GLYATL2: variants seen among roughly 807,000 people sequenced by gnomAD.
GLYATL2 encodes the protein glycine-N-acyltransferase like 2.
A neutral mutation model predicts 21.4 loss-of-function variants in GLYATL2; 25 were observed. The ratio of observed to expected loss-of-function variants is 1.17; its 90% confidence interval spans 0.85 to 1.63. GLYATL2 has a LOEUF of 1.63. Ranked by LOEUF, GLYATL2 falls within the 40% of genes most tolerant of loss-of-function variation. GLYATL2 has a pLI of 0.00. For missense variants in GLYATL2, 361 were observed against 343.3 expected, an observed-to-expected ratio of 1.05 and a Z score of -0.41; for synonymous variants, 114 against 118.2, an observed-to-expected ratio of 0.96 and a Z score of 0.23.
intron 1 of GLYATL2, chr11:58,878,327 T>C: frequency 1.7e-6 from 1 of 583,740 alleles, no homozygotes; most frequent in Non-Finnish European, 2.7e-6. Flanking sequence ...ACAAGGATGC[T>C]ACATGCAGGA....
At chr11:58,856,971 G>GTC (rs1853839492) in intron 1 of GLYATL2, among the ~76,000 whole-genome samples, 1 of 152,188 alleles carries the variant, frequency 6.6e-6, no homozygotes, top group Non-Finnish European at 1.5e-5. Context: ...TACCTGTGAA[G>GTC]TACAATAAAG....
chr11:58,839,277 C>T (rs1010887555), intron 2 of GLYATL2, among the ~76,000 whole-genome samples: 6 of 151,966 alleles, frequency 3.9e-5, no homozygotes, highest in African/African-American at 1.5e-4. Flanking sequence ...AGATTGGAGA[C>T]AAGGAGGTAT....
chr11:58,856,050 G>C (rs1220695114), intron 1 of GLYATL2, among the ~76,000 whole-genome samples: 1 of 152,080 alleles, frequency 6.6e-6, no homozygotes, highest in Non-Finnish European at 1.5e-5. Context: ...AGAATCGCTT[G>C]AGCCCAGGAG....
chr11:58,842,784 A>G (rs779983059), intron 1 of GLYATL2, among the ~76,000 whole-genome samples: 27 of 152,192 alleles, frequency 1.8e-4, no homozygotes, highest in Non-Finnish European at 1.5e-4. Context: ...TTTTAACTTC[A>G]TAGAGGCAAG....
chr11:58,908,971 G>A (rs1422649489), upstream of GLYATL2, among the ~76,000 whole-genome samples: 2 of 152,142 alleles, frequency 1.3e-5, no homozygotes, highest in Non-Finnish European at 2.9e-5. Context: ...CTTCCTTATA[G>A]TTGCAGAAAT....
At chr11:58,860,962 A>G (rs144100290) in intron 1 of GLYATL2, among the ~76,000 whole-genome samples, 1 of 152,176 alleles carries the variant, frequency 6.6e-6, no homozygotes, top group East Asian at 1.9e-4. Flanking sequence ...TATCATGATT[A>G]ATGACCTTTT....
At chr11:58,884,233 A>G (rs1249265234) in intron 1 of GLYATL2, among the ~76,000 whole-genome samples, 5 of 152,218 alleles carry the variant, frequency 3.3e-5, no homozygotes, top group Non-Finnish European at 7.3e-5. Flanking sequence ...GGCAGGAGAA[A>G]GAAATAAAGA....
intron 1 of GLYATL2, among the ~76,000 whole-genome samples, chr11:58,897,757 TTTTCA>T (rs1854659396): frequency 6.6e-6 from 1 of 152,212 alleles, no homozygotes; most frequent in Non-Finnish European, 1.5e-5. Context: ...AAGGTAAAAC[TTTTCA>T]TTTCATGCTA....
upstream of GLYATL2, among the ~76,000 whole-genome samples, chr11:58,848,524 C>G (rs1191704798): frequency 6.6e-6 from 1 of 152,090 alleles, no homozygotes; most frequent in Non-Finnish European, 1.5e-5. Flanking sequence ...TAAAAAGAAT[C>G]AGAAATTCTG....
At chr11:58,892,039 G>A (rs1854553251) in intron 1 of GLYATL2, among the ~76,000 whole-genome samples, 1 of 152,202 alleles carries the variant, frequency 6.6e-6, no homozygotes, top group Non-Finnish European at 1.5e-5. Context: ...CAGTTACACA[G>A]GCAAGTGGTC....
At chr11:58,872,939 T>C (rs2134604478) in intron 1 of GLYATL2, among the ~76,000 whole-genome samples, 1 of 152,354 alleles carries the variant, frequency 6.6e-6, no homozygotes, top group Middle Eastern at 3.4e-3. Flanking sequence ...CTTCCATTCG[T>C]TTGTATCCTC....
At chr11:58,854,294 T>G (rs561676) in intron 1 of GLYATL2, among the ~76,000 whole-genome samples, 134,991 of 152,164 alleles carry the variant, frequency 0.89, 61,041 homozygotes, top group Non-Finnish European at 0.98. Flanking sequence ...TTAACATACA[T>G]GCCTGCCTCA....
chr11:58,881,064 C>T (rs1422437118), intron 1 of GLYATL2, among the ~76,000 whole-genome samples: 1 of 152,122 alleles, frequency 6.6e-6, no homozygotes, highest in African/African-American at 2.4e-5. Context: ...ATTTTTACAT[C>T]ATTGGATTTA....
upstream of GLYATL2, chr11:58,907,984 A>G (rs1319718249): frequency 6.5e-6 from 1 of 153,136 alleles, no homozygotes; most frequent in African/African-American, 2.4e-5. Context: ...AAATTGTTAC[A>G]TCTGCTCCTT....
intron 1 of GLYATL2, among the ~76,000 whole-genome samples, chr11:58,866,750 C>A (rs2134599306): frequency 6.7e-6 from 1 of 149,276 alleles, no homozygotes; most frequent in South Asian, 2.1e-4. Flanking sequence ...AGAAGAGGTG[C>A]ACAGGCATCT....
chr11:58,841,971 T>A (rs1313401131), intron 1 of GLYATL2, among the ~76,000 whole-genome samples: 1 of 152,120 alleles, frequency 6.6e-6, no homozygotes, highest in Admixed American at 6.5e-5. Flanking sequence ...AACATGAGAA[T>A]ATCGAAGGAC....
chr11:58,909,129 T>C (rs2134643267), upstream of GLYATL2, among the ~76,000 whole-genome samples: 1 of 152,306 alleles, frequency 6.6e-6, no homozygotes, highest in Non-Finnish European at 1.5e-5. Context: ...AGAAGAATTC[T>C]TAATTCAGAC....
intron 1 of GLYATL2, among the ~76,000 whole-genome samples, chr11:58,876,267 T>C (rs1565101891): frequency 2.0e-5 from 3 of 152,252 alleles, no homozygotes; most frequent in Admixed American, 1.3e-4. Context: ...AGTTTGATCT[T>C]CTGAAGCCTT....
intron 1 of GLYATL2, among the ~76,000 whole-genome samples, chr11:58,880,335 C>G (rs1051129752): frequency 1.3e-5 from 2 of 152,066 alleles, no homozygotes; most frequent in African/African-American, 4.8e-5. Flanking sequence ...GAGGAGGAGG[C>G]CCTGAACTAA....
Sources: gnomAD v4.1 joint callset for allele counts (sites outside exome capture counted in the v4.1 genomes callset) on GRCh38, gnomAD v4.1.1 for gene constraint, MANE v1.5 for transcripts, NCBI Gene and HGNC (gene_info 2026-07-23, HGNC 2026-07-21) for gene names.